MYT1L: variants seen among roughly 807,000 people sequenced by gnomAD.
MYT1L encodes the protein myelin transcription factor 1 like.
Under a neutral mutation model 126.7 loss-of-function variants are expected in MYT1L, and 12 were observed. The ratio of observed to expected loss-of-function variants is 0.09; its 90% CI spans 0.06 to 0.15. MYT1L has a LOEUF of 0.15. Among genes scored for constraint, MYT1L ranks in the 10% least tolerant of loss-of-function variants. The probability of loss-of-function intolerance (pLI) is 1.00; values close to 1 mark genes in which losing one functional copy is unlikely to be tolerated. For synonymous variants in MYT1L, 541 were observed against 604.2 expected, an observed-to-expected ratio of 0.90 and a Z score of 1.53; for missense variants, 979 against 1,585.2, an observed-to-expected ratio of 0.62 and a Z score of 6.49.
chr2:2,097,376 T>C (rs972279129), intron 3 of MYT1L, among the ~76,000 whole-genome samples: 1 of 152,160 alleles, frequency 6.6e-6, no homozygotes, highest in African/African-American at 2.4e-5. Context: ...GCTCTTCCTG[T>C]GGGCTCTTTG....
At chr2:1,913,770 T>C (rs2052410633) in intron 11 of MYT1L, among the ~76,000 whole-genome samples, 1 of 152,158 alleles carries the variant, frequency 6.6e-6, no homozygotes, top group African/African-American at 2.4e-5. Context: ...TCTCTCCTGC[T>C]GTGTGGGAAT....
intron 5 of MYT1L, among the ~76,000 whole-genome samples, chr2:1,980,521 C>T (rs1311950283): frequency 6.6e-5 from 10 of 152,050 alleles, no homozygotes; most frequent in Non-Finnish European, 1.5e-4. Flanking sequence ...TCCTTTGAGG[C>T]ATCTAGACCT....
chr2:2,310,714 A>T (rs2095953068), intron 1 of MYT1L, among the ~76,000 whole-genome samples: 1 of 152,164 alleles, frequency 6.6e-6, no homozygotes, highest in Non-Finnish European at 1.5e-5. Context: ...TATATTTACC[A>T]CTTCTATCAA....
At chr2:1,796,564 T>TG (rs954167949) in intron 23 of MYT1L, among the ~76,000 whole-genome samples, 2 of 152,162 alleles carry the variant, frequency 1.3e-5, no homozygotes, top group Admixed American at 6.5e-5. Flanking sequence ...CACCAGGAGC[T>TG]GGGGGGTTTC....
intron 22 of MYT1L, among the ~76,000 whole-genome samples, chr2:1,802,555 C>T (rs974910844): frequency 2.0e-5 from 3 of 152,226 alleles, no homozygotes; most frequent in African/African-American, 7.2e-5. Flanking sequence ...CAGGTGTGTA[C>T]CTGACCATCT....
intron 3 of MYT1L, among the ~76,000 whole-genome samples, chr2:2,111,179 G>A (rs1367086676): frequency 2.0e-5 from 3 of 152,204 alleles, no homozygotes; most frequent in Non-Finnish European, 4.4e-5. Context: ...GCCTAGCCCT[G>A]CTCACTGGTC....
chr2:1,797,252 G>A (rs1572312463), intron 23 of MYT1L, among the ~76,000 whole-genome samples: 2 of 152,134 alleles, frequency 1.3e-5, no homozygotes, highest in African/African-American at 2.4e-5. Context: ...ACCGGTGTCC[G>A]GACTTCTTTT....
chr2:1,877,721 T>G (rs1349734390), intron 18 of MYT1L, among the ~76,000 whole-genome samples: 3 of 152,074 alleles, frequency 2.0e-5, no homozygotes, highest in African/African-American at 4.8e-5. Context: ...GCAGTTCTGC[T>G]GAACTCTGCT....
intron 3 of MYT1L, among the ~76,000 whole-genome samples, chr2:2,169,779 G>C (rs948333559): frequency 6.6e-6 from 1 of 152,238 alleles, no homozygotes; most frequent in Non-Finnish European, 1.5e-5. Context: ...ACTGCTGACC[G>C]GCATCCCTCA....
chr2:2,056,000 C>G (rs1469149127), intron 3 of MYT1L, among the ~76,000 whole-genome samples: 1 of 152,224 alleles, frequency 6.6e-6, no homozygotes, highest in African/African-American at 2.4e-5. Flanking sequence ...AGTCCCAGTG[C>G]CTCAACGGCA....
intron 3 of MYT1L, among the ~76,000 whole-genome samples, chr2:2,167,452 C>T (rs1338945725): frequency 1.3e-5 from 2 of 152,202 alleles, no homozygotes; most frequent in African/African-American, 4.8e-5. Flanking sequence ...GTCAACAGCT[C>T]CCTGTCCTCC....
chr2:1,917,460 C>T lies in MYT1L; in HGVS notation c.1484-121G>A, dbSNP rs1463101656. 4 of 1,202,408 alleles carry T rather than the reference C, an allele frequency of 3.3e-6. No individual in the cohort carries two copies. Among genetic ancestry groups the T allele is most frequent in the Non-Finnish European group, 4.7e-6 (4 of 859,290 alleles). The allele number at this position is 1,202,408 out of a possible 1,614,324, so 74.5% of individuals were successfully genotyped here. A position where few individuals can be genotyped will look rare whatever the true frequency, so the allele number is the denominator to read the frequency against. On this transcript the variant is annotated intron_variant, in intron 10 of 24. Transcript: ENST00000647738. This position sits in a 1 kb window ranked among gnomAD's most constrained non-coding sequence, Gnocchi z 5.9. ...AATAAAGCAGGTGTCGGGGGCTAGGCTGTGACATCAGACTTTTGCTTAGAT... is the reference window on the plus strand; with the variant it reads ...AATAAAGCAGGTGTCGGGGGCTAGGTTGTGACATCAGACTTTTGCTTAGAT...
chr2:2,091,521 A>G (rs2076920282), intron 3 of MYT1L, among the ~76,000 whole-genome samples: 1 of 152,136 alleles, frequency 6.6e-6, no homozygotes, highest in South Asian at 2.1e-4. Context: ...GGGCCCTAGG[A>G]TTTTTGAAAT....
At chr2:2,253,343 C>T (rs1050326602) in intron 2 of MYT1L, among the ~76,000 whole-genome samples, 10 of 152,180 alleles carry the variant, frequency 6.6e-5, no homozygotes, top group East Asian at 1.9e-4. Context: ...GAGCGTTAGG[C>T]GCTTTCTCTA....
Position 2,328,893 on chromosome 2 carries a change from C to A in MYT1L, c.-521+2074G>T, listed in dbSNP as rs991550183. Among the ~76,000 whole-genome samples the A allele has an allele frequency of 3.9e-5, 6 of 152,162 alleles. No homozygotes were observed. The South Asian group carries it at 1.0e-3, about 26-fold the overall frequency. On this transcript the variant is annotated intron_variant, in intron 1 of 24. Transcript: ENST00000647738. The stretch of plus-strand genomic sequence containing the variant: ...TGTTCAAGTATAGATATCTTTGCTG[C>A]CACCATCTTCAAAACATCCAAATGT...
rs190580737 is a variant in MYT1L at position 2,044,489 on chromosome 2, T to C, written c.-158+9489A>G. On this transcript the variant is annotated intron_variant, in intron 4 of 24. Coordinates refer to ENST00000647738, the MANE Select transcript of MYT1L (RefSeq NM_001303052.2). Reference sequence around the variant, plus strand: ...ATCGTGGTACAATGGGACAAGAAAATGACATGCATTCGAACCACAGCACAA... The same window carrying C: ...ATCGTGGTACAATGGGACAAGAAAACGACATGCATTCGAACCACAGCACAA... Among the ~76,000 whole-genome samples, 21 of 152,242 alleles carry C rather than the reference T, an allele frequency of 1.4e-4. No homozygotes were observed. The East Asian group carries it at 3.7e-3, about 27-fold the overall frequency.
chr2:2,290,559 C>T (rs2095584159), intron 1 of MYT1L, among the ~76,000 whole-genome samples: 1 of 152,232 alleles, frequency 6.6e-6, no homozygotes, highest in African/African-American at 2.4e-5. Context: ...TTGCTCATCA[C>T]ATGTGCCAGC....
chr2:1,918,922 A>G (rs1046796457), intron 10 of MYT1L, among the ~76,000 whole-genome samples: 2 of 152,234 alleles, frequency 1.3e-5, no homozygotes, highest in Admixed American at 6.5e-5. Flanking sequence ...TGTTGGTATA[A>G]ATTACTGTAG....
intron 4 of MYT1L, among the ~76,000 whole-genome samples, chr2:2,046,881 C>T (rs777077738): frequency 3.3e-5 from 5 of 152,134 alleles, no homozygotes; most frequent in Non-Finnish European, 5.9e-5. Flanking sequence ...GTCTACTGTC[C>T]ACTGAGAGGG....
Sources: gnomAD v4.1 joint callset for allele counts (sites outside exome capture counted in the v4.1 genomes callset) on GRCh38, gnomAD v4.1.1 for gene constraint, Gnocchi (gnomAD v3.1) non-coding constraint, MANE v1.5 for transcripts, NCBI Gene and HGNC (gene_info 2026-07-23, HGNC 2026-07-21) for gene names.